SERPINE3: variants seen among roughly 807,000 people sequenced by gnomAD.
The protein encoded by SERPINE3 is serpin E3.
In SERPINE3, 43 loss-of-function variants were observed where a neutral mutation model predicts 41.7. That is an observed-to-expected ratio of 1.03 (90% CI 0.81 to 1.33). The LOEUF is 1.33. Ranked by LOEUF, SERPINE3 falls within the 40% of genes most tolerant of loss-of-function variation. The pLI, the probability that SERPINE3 is intolerant of heterozygous loss-of-function variation, is 0.00. For missense variants in SERPINE3, 440 were observed against 491.7 expected, an observed-to-expected ratio of 0.89 and a Z score of 0.99; for synonymous variants, 200 against 192.2, an observed-to-expected ratio of 1.04 and a Z score of -0.34.
At chr13:51,350,192 T>C (rs558181867) in intron 6 of SERPINE3, among the ~76,000 whole-genome samples, 6 of 152,280 alleles carry the variant, frequency 3.9e-5, no homozygotes, top group African/African-American at 1.4e-4. Context: ...CTATGAGATG[T>C]GCTTTCAGGT....
chr13:51,358,142 G>T (rs1055025575), intron 7 of SERPINE3, among the ~76,000 whole-genome samples: 3 of 152,010 alleles, frequency 2.0e-5, no homozygotes, highest in East Asian at 1.9e-4. Flanking sequence ...TCCCTCTCCT[G>T]GGCCGGGTGC....
In SERPINE3 at chr13:51,355,061, A is replaced by C; in HGVS notation, c.918A>C (p.Gln306His). The part of the protein sequence containing the change: ...VFLPRFRIQN[Q>H]FNLKSILNSW... ...CTTTTAGGTTTAGGATCCAAAATCA[A>C]TTCAACTTAAAAAGCATTTTAAATT... Residue 306 changes from glutamine (Q) to histidine (H), a missense_variant, in exon 7 of 10, where the codon CAA becomes CAC. Physicochemically the swap from Gln to His is conservative, Grantham distance 24. Coordinates refer to ENST00000681248, the MANE Select transcript of SERPINE3 (RefSeq NM_001386375.1). 1 of 1,539,274 alleles carries C rather than the reference A, an allele frequency of 6.5e-7. No homozygotes were observed.
At chr13:51,364,136 G>A in intron 9 of SERPINE3, 103 bp from the exon 10 acceptor site, 1 of 513,256 alleles carries the variant, frequency 1.9e-6, no homozygotes, top group Non-Finnish European at 3.3e-6. Flanking sequence ...TCTATTAAAT[G>A]TTATCTTGCA....
rs1955586750 is a variant in SERPINE3, at chr13:51,361,967, C to T, written c.1171+74C>T. 6.2e-6 allele frequency: 10 copies of T among 1,610,898 alleles called. No individual in the cohort carries two copies. In the South Asian group the frequency reaches 1.1e-4, roughly 18 times the overall value. ...CTAGCAACAAGGGCTCATTTGTCCA[C>T]TATCCCCTCAAAAATAAGCATTCTT... On this transcript the variant is annotated intron_variant, in intron 9 of 9. Coordinates refer to ENST00000681248, the MANE Select transcript of SERPINE3 (RefSeq NM_001386375.1).
At chr13:51,350,085 C>A (rs1955389961) in intron 6 of SERPINE3, among the ~76,000 whole-genome samples, 1 of 152,104 alleles carries the variant, frequency 6.6e-6, no homozygotes, top group South Asian at 2.1e-4. Flanking sequence ...ACTCATTCTT[C>A]TTTTAGTATG....
At chr13:51,354,949 A>C in intron 6 of SERPINE3, 94 bp from the exon 7 acceptor site, 2 of 661,486 alleles carry the variant, frequency 3.0e-6, no homozygotes, top group African/African-American at 3.6e-5. Context: ...AGCCAGCCTG[A>C]CTTCCAAGTT....
At chr13:51,344,950 C>T (rs1382810275) in intron 4 of SERPINE3, among the ~76,000 whole-genome samples, 1 of 152,164 alleles carries the variant, frequency 6.6e-6, no homozygotes, top group East Asian at 1.9e-4. Flanking sequence ...AGATGTTTAG[C>T]TCAGTGTTAT....
chr13:51,351,320 C>G (rs1680115117), intron 6 of SERPINE3, among the ~76,000 whole-genome samples: 1 of 151,990 alleles, frequency 6.6e-6, no homozygotes, highest in Admixed American at 6.6e-5. Flanking sequence ...TGTTAATGAC[C>G]ATCTTTTTAT....
intron 4 of SERPINE3, among the ~76,000 whole-genome samples, chr13:51,346,572 C>T (rs1955347862): frequency 6.6e-6 from 1 of 152,208 alleles, no homozygotes; most frequent in South Asian, 2.1e-4. Context: ...AGATGACTCA[C>T]TGCCCCCACC....
chr13:51,351,158 A>G (rs1955399265), intron 6 of SERPINE3, among the ~76,000 whole-genome samples: 1 of 152,174 alleles, frequency 6.6e-6, no homozygotes, highest in African/African-American at 2.4e-5. Flanking sequence ...TATCTTGGAT[A>G]TACACCTAAG....
At chr13:51,361,409 C>A in intron 8 of SERPINE3, 45 bp downstream of exon 8, 2 of 1,223,842 alleles carry the variant, frequency 1.6e-6, no homozygotes, top group Non-Finnish European at 2.4e-6. Context: ...CCATATCTAC[C>A]TTTCTGAAAT....
intron 7 of SERPINE3, among the ~76,000 whole-genome samples, chr13:51,359,955 T>A (rs943114865): frequency 4.6e-5 from 7 of 152,092 alleles, no homozygotes; most frequent in African/African-American, 1.7e-4. Context: ...CACTAGTGAA[T>A]GTTTCTATTG....
intron 3 of SERPINE3, among the ~76,000 whole-genome samples, chr13:51,342,217 C>T (rs911622991): frequency 4.0e-5 from 6 of 149,508 alleles, no homozygotes; most frequent in Non-Finnish European, 5.9e-5. Context: ...ATGAGCTCTG[C>T]GGCCTCACGT....
At position 51,364,500 on chromosome 13, in the gene SERPINE3, T is replaced by C. The variant is rs922893767; in HGVS notation, c.*218T>C. On this transcript the variant is annotated 3_prime_UTR_variant, in exon 10 of 10. Coordinates refer to ENST00000681248, the MANE Select transcript of SERPINE3 (RefSeq NM_001386375.1). ...CTATTTTGACCTTCTTTTCTACTGC[T>C]TACCCCCCAAACCACTAAAAGGCAC... 1 of 448,422 alleles carries C rather than the reference T, an allele frequency of 2.2e-6. No homozygotes were observed. The highest frequency in any genetic ancestry group is 3.9e-6 in the Non-Finnish European group (1 of 254,026). The allele number at this position is 448,422 out of a possible 1,614,324, so 27.8% of individuals were successfully genotyped here.
rs1316432001 is a variant in SERPINE3 at position 51,347,161 on chromosome 13, C to G, written c.627C>G (p.Ile209Met). The G allele has an allele frequency of 1.2e-6, 2 of 1,613,996 alleles. No individual in the cohort carries two copies. Among genetic ancestry groups the G allele is most frequent in the South Asian group, 2.2e-5 (2 of 91,062 alleles). ...GATTCTCCTCCACAGACACACAGAT[C>G]CTGCCTTTCACCTGTGCCTATGGCC... Reference protein sequence around the residue: ...RKRFSSTDTQILPFTCAYGLV... With the variant: ...RKRFSSTDTQMLPFTCAYGLV... Residue 209 changes from isoleucine to methionine, a missense_variant, in exon 5 of 10, where the codon ATC becomes ATG. Ile to Met is a conservative substitution (Grantham distance 10). Coordinates refer to ENST00000681248, the MANE Select transcript of SERPINE3 (RefSeq NM_001386375.1).
intron 5 of SERPINE3, among the ~76,000 whole-genome samples, chr13:51,347,545 C>T (rs534839932): frequency 2.2e-4 from 33 of 152,282 alleles, no homozygotes; most frequent in South Asian, 6.2e-4. Context: ...CACAATAGGC[C>T]GGGATTGAAT....
intron 3 of SERPINE3, among the ~76,000 whole-genome samples, chr13:51,343,017 G>A (rs1182806225): frequency 4.6e-5 from 7 of 152,056 alleles, no homozygotes; most frequent in Non-Finnish European, 7.4e-5. Context: ...CTGCAGCCTC[G>A]TTTGGCTGGG....
At position 51,364,252 on chromosome 13, in the gene SERPINE3, T is replaced by A; in HGVS notation, c.1185T>A (p.Ser395Arg). ...LREPNTGFVF[S>R]IGRVSNPLD is the part of the protein sequence containing the mutation. ...TTTTCTTGACAGGGTTTGTCTTCAG[T>A]ATTGGGAGAGTTTCAAATCCCCTAG... is the stretch of plus-strand genomic sequence containing the variant. Residue 395 changes from serine (S) to arginine (R), a missense_variant, in exon 10 of 10, where the codon AGT becomes AGA. Physicochemically the swap from Ser to Arg is moderately radical, Grantham distance 110 (BLOSUM62 -1). Coordinates refer to ENST00000681248, the MANE Select transcript of SERPINE3 (RefSeq NM_001386375.1). 2 of 1,468,610 alleles carry A rather than the reference T, an allele frequency of 1.4e-6. No individual in the cohort carries two copies. Among genetic ancestry groups the A allele is most frequent in the Non-Finnish European group, 1.8e-6 (2 of 1,092,170 alleles). 91.0% of individuals were successfully genotyped at this position (1,468,610 alleles called of 1,614,324 possible).
In SERPINE3 at chr13:51,347,244, G is replaced by C; in HGVS notation, c.700+10G>C. Reference sequence around the variant, plus strand: ...ACCGAGGTCAACTACGGTGAGCTCTGCCCCTGCTGGTTTGTCTAAAGGGAG... The same window carrying C: ...ACCGAGGTCAACTACGGTGAGCTCTCCCCCTGCTGGTTTGTCTAAAGGGAG... On this transcript the variant is annotated intron_variant, in intron 5 of 9. Transcript: ENST00000681248. 6.2e-7 allele frequency: 1 copy of C among 1,611,844 alleles called. No individual in the cohort carries two copies. Among genetic ancestry groups the C allele is most frequent in the Non-Finnish European group, 8.5e-7 (1 of 1,178,634 alleles).
Sources: allele counts gnomAD v4.1 joint callset (sites outside exome capture counted in the v4.1 genomes callset), GRCh38; gene constraint gnomAD v4.1.1; transcripts MANE v1.5; gene names NCBI Gene and HGNC (gene_info 2026-07-23, HGNC 2026-07-21).